SLC44A5: variants seen among roughly 807,000 people sequenced by gnomAD.
SLC44A5 encodes choline transporter-like protein 5.
SLC44A5 carries 57 observed loss-of-function variants against 101.8 expected under a neutral mutation model. The ratio of observed to expected loss-of-function variants is 0.56; its 90% confidence interval spans 0.45 to 0.70. SLC44A5 has a LOEUF of 0.70. Among genes scored for constraint, SLC44A5 ranks in the 30% least tolerant of loss-of-function variants. SLC44A5 has a pLI of 0.00. For missense variants in SLC44A5, 737 were observed against 853.1 expected (o/e 0.86, Z 1.70); for synonymous variants, 281 against 290.9 (o/e 0.97, Z 0.35).
intron 7 of SLC44A5, 114 bp downstream of exon 7, chr1:75,251,096 A>G: frequency 1.3e-6 from 1 of 771,160 alleles, no homozygotes; most frequent in Non-Finnish European, 2.2e-6. Context: ...AGAAATTCAT[A>G]ATGAACCCCC....
chr1:75,539,271 T>A (rs1001760484), intron 2 of SLC44A5, among the ~76,000 whole-genome samples: 3 of 152,188 alleles, frequency 2.0e-5, no homozygotes, highest in Non-Finnish European at 4.4e-5. Context: ...AAAACCACAA[T>A]GCCTGTGGAT....
At chr1:75,723,911 TTAAG>T in the SLC44A5 span, 4 of 152,158 alleles carry the variant, frequency 2.6e-5, no homozygotes, top group African/African-American at 9.7e-5. Context: ...AAAGAAAATG[TTAAG>T]TTAGTATAAG....
intron 2 of SLC44A5, among the ~76,000 whole-genome samples, chr1:75,454,420 A>G (rs1666074163): frequency 6.6e-6 from 1 of 152,116 alleles, no homozygotes; most frequent in Non-Finnish European, 1.5e-5. Context: ...AGAGCCATCT[A>G]TGAAAACCCA....
chr1:75,387,207 A>C (rs560982542), intron 3 of SLC44A5, among the ~76,000 whole-genome samples: 12 of 152,320 alleles, frequency 7.9e-5, no homozygotes, highest in Non-Finnish European at 1.6e-4. Flanking sequence ...AAAATTGACA[A>C]ATGGGATCTA....
rs139834027 is a variant in SLC44A5, at chr1:75,299,582, T to G, written c.175+1030A>C. 5.2e-3 allele frequency among the ~76,000 whole-genome samples: 791 copies of G among 152,310 alleles called. 8 individuals carry two copies. The highest frequency in any genetic ancestry group is 0.018 in the African/African-American group (744 of 41,550). ...AACTTTCACCCTAATAATAACATAT[T>G]AAAGTTTCCTAAGTCAGAATTTAAG... On this transcript the variant is annotated intron_variant, in intron 5 of 23. Coordinates refer to ENST00000370859, the MANE Select transcript of SLC44A5 (RefSeq NM_001130058.2).
chr1:75,285,079 G>T (rs1481501971), intron 5 of SLC44A5, among the ~76,000 whole-genome samples: 7 of 152,000 alleles, frequency 4.6e-5, no homozygotes, highest in African/African-American at 1.7e-4. Context: ...TATAGGATTG[G>T]TACAACTTTT....
At chr1:75,418,373 G>A (rs1299218021) in intron 2 of SLC44A5, among the ~76,000 whole-genome samples, 2 of 152,196 alleles carry the variant, frequency 1.3e-5, no homozygotes, top group South Asian at 2.1e-4. Flanking sequence ...AACGTAACTA[G>A]TAATTAGGTT....
intron 1 of SLC44A5, among the ~76,000 whole-genome samples, chr1:75,584,971 T>C (rs1308067354): frequency 6.6e-6 from 1 of 152,206 alleles, no homozygotes; most frequent in Non-Finnish European, 1.5e-5. Context: ...TAACTTATCT[T>C]TCTTATTCTA....
chr1:75,515,461 C>G (rs925515744), intron 2 of SLC44A5, among the ~76,000 whole-genome samples: 1 of 152,132 alleles, frequency 6.6e-6, no homozygotes, highest in Non-Finnish European at 1.5e-5. Flanking sequence ...TCTGTAACCA[C>G]CATTCTACCT....
intron 4 of SLC44A5, among the ~76,000 whole-genome samples, chr1:75,302,137 G>GTTTT (rs1654534345): frequency 7.3e-5 from 1 of 13,692 alleles, no homozygotes; most frequent in Non-Finnish European, 1.5e-4. Context: ...TTTTTTTTTT[G>GTTTT]GTTAACAACC....
At chr1:75,486,015 C>A (rs1265532113) in intron 2 of SLC44A5, among the ~76,000 whole-genome samples, 1 of 152,144 alleles carries the variant, frequency 6.6e-6, no homozygotes, top group Non-Finnish European at 1.5e-5. Flanking sequence ...TACAATTCAA[C>A]CTGAGATTTG....
At chr1:75,489,137 A>G (rs2101804610) in intron 2 of SLC44A5, among the ~76,000 whole-genome samples, 1 of 152,126 alleles carries the variant, frequency 6.6e-6, no homozygotes, top group East Asian at 1.9e-4. Context: ...CCTGAAGTCA[A>G]TTTTAATACT....
In SLC44A5 at chr1:75,540,300, G is replaced by T. The variant is rs145830433; in HGVS notation, c.13+1135C>A. On this transcript the variant is annotated intron_variant, in intron 2 of 23. Transcript: ENST00000370859. The stretch of plus-strand genomic sequence containing the variant: ...CAAATCTAAAATTCTAAAACAATCT[G>T]CTATAGGCGAGAGTATGTTAATAAT... 2.0e-3 allele frequency among the ~76,000 whole-genome samples: 301 copies of T among 152,252 alleles called. 1 individual carries two copies. Among genetic ancestry groups the T allele is most frequent in the African/African-American group, 6.6e-3 (276 of 41,542 alleles).
At chr1:75,392,166 A>G (rs915192856) in intron 3 of SLC44A5, among the ~76,000 whole-genome samples, 1 of 152,122 alleles carries the variant, frequency 6.6e-6, no homozygotes, top group African/African-American at 2.4e-5. Flanking sequence ...AAAAATTGAC[A>G]AGTGGGACCT....
intron 3 of SLC44A5, among the ~76,000 whole-genome samples, chr1:75,358,550 T>A (rs930624494): frequency 2.6e-5 from 4 of 152,202 alleles, no homozygotes; most frequent in Non-Finnish European, 5.9e-5. Context: ...AAATCTAGCA[T>A]CTCACATAGT....
chr1:75,385,089 C>T (rs1233341300), intron 3 of SLC44A5, among the ~76,000 whole-genome samples: 2 of 152,020 alleles, frequency 1.3e-5, no homozygotes, highest in Non-Finnish European at 2.9e-5. Flanking sequence ...GCACTAAATG[C>T]CCACAAGAGA....
At chr1:75,627,123 G>A in the SLC44A5 span, among the ~76,000 whole-genome samples, 1 of 152,044 alleles carries the variant, frequency 6.6e-6, no homozygotes, top group Admixed American at 6.6e-5. Context: ...AGAAGTAATG[G>A]TTCCCTTTGT....
the SLC44A5 span, among the ~76,000 whole-genome samples, chr1:75,683,036 C>T: frequency 6.6e-6 from 1 of 151,976 alleles, no homozygotes; most frequent in Non-Finnish European, 1.5e-5. Flanking sequence ...CAGAGAAATG[C>T]AAATCAAAAC....
chr1:75,681,031 T>C, the SLC44A5 span, among the ~76,000 whole-genome samples: 37,655 of 149,054 alleles, frequency 0.25, 4,954 homozygotes, highest in Middle Eastern at 0.35. Flanking sequence ...ATAAATTCCT[T>C]GACACATACA....
Sources: gnomAD v4.1 joint callset for allele counts (sites outside exome capture counted in the v4.1 genomes callset) on GRCh38, gnomAD v4.1.1 for gene constraint, MANE v1.5 for transcripts, NCBI Gene and HGNC (gene_info 2026-07-23, HGNC 2026-07-21) for gene names.